The following ATP8B4 variants were observed in gnomAD, a reference collection of about 807,000 sequenced individuals.
ATP8B4 encodes the protein ATPase phospholipid transporting 8B4 (putative).
Under a neutral mutation model 145.6 loss-of-function variants are expected in ATP8B4, and 133 were observed. The observed-to-expected ratio is 0.91, with a 90% CI of 0.79 to 1.05. The LOEUF (loss-of-function observed/expected upper bound fraction) is 1.05. Among genes scored for constraint, ATP8B4 ranks in the 50% least tolerant of loss-of-function variants. ATP8B4 has a pLI of 0.00. For synonymous variants in ATP8B4, 507 were observed against 492.9 expected (o/e 1.03, Z -0.38); for missense variants, 1,458 against 1,425.2 (o/e 1.02, Z -0.37).
At chr15:50,084,835 C>T (rs1437031982) in intron 2 of ATP8B4, among the ~76,000 whole-genome samples, 2 of 152,170 alleles carry the variant, frequency 1.3e-5, no homozygotes, top group Non-Finnish European at 2.9e-5. Flanking sequence ...CTGCCCTTGA[C>T]CCTCCTGCCT....
In ATP8B4 at chr15:50,056,695, ATATGTG is replaced by A. The variant is rs898719694; in HGVS notation, c.88-9237_88-9232del. On this transcript the variant is annotated intron_variant, in intron 3 of 27. Transcript: ENST00000284509. ...TACTATACACAATATATGTATATGTATATGTGTATATATATATATATACACACACAC... is the reference window on the plus strand; with the variant it reads ...TACTATACACAATATATGTATATGTATATATATATATATATACACACACAC... Among the ~76,000 whole-genome samples, 6 of 140,810 alleles carry A rather than the reference ATATGTG, an allele frequency of 4.3e-5. No individual in the cohort carries two copies. The East Asian group carries it at 7.8e-4, about 18-fold the overall frequency. 92.4% of individuals were successfully genotyped at this position (140,810 alleles called of 152,430 possible).
At chr15:50,159,770 C>T (rs139814408) in intron 1 of ATP8B4, among the ~76,000 whole-genome samples, 2 of 152,174 alleles carry the variant, frequency 1.3e-5, no homozygotes, top group African/African-American at 4.8e-5. Context: ...ATACGATGTA[C>T]CACATTGATT....
rs1057461860 is a variant in ATP8B4 at position 49,949,361 on chromosome 15, T to C, written c.1287+12616A>G. Among the ~76,000 whole-genome samples, 4 of 152,172 alleles carry C rather than the reference T, an allele frequency of 2.6e-5. No homozygotes were observed. In the South Asian group the frequency reaches 6.2e-4, roughly 24 times the overall value. ...TATGTCCTTGAGCAGTGGTTTGTAG[T>C]TCTCCTTGAAGAAGTCCTTCACATC... On this transcript the variant is annotated intron_variant, in intron 14 of 27. Transcript: ENST00000284509.
chr15:50,039,527 GA>G lies in ATP8B4; in HGVS notation c.301-699del, dbSNP rs573716839. ...GTCATTCAGGTAAGTCTTCCTATGT[GA>G]AATGTCAAGATCAGATAGTAGTAGT... is the stretch of plus-strand genomic sequence containing the variant. On this transcript the variant is annotated intron_variant, in intron 5 of 27. Transcript: ENST00000284509. 7.9e-5 allele frequency among the ~76,000 whole-genome samples: 12 copies of G among 152,204 alleles called. No individual in the cohort carries two copies. The South Asian group carries it at 2.5e-3, about 32-fold the overall frequency.
intron 13 of ATP8B4, among the ~76,000 whole-genome samples, chr15:49,963,862 TAACAA>T (rs1567091804): frequency 6.6e-6 from 1 of 151,858 alleles, no homozygotes; most frequent in African/African-American, 2.4e-5. Context: ...TTTACCTATG[TAACAA>T]ACCTGTACAT....
chr15:49,952,394 T>G (rs2043182790), intron 14 of ATP8B4, among the ~76,000 whole-genome samples: 1 of 152,190 alleles, frequency 6.6e-6, no homozygotes, highest in Admixed American at 6.5e-5. Flanking sequence ...GTTCCTTACT[T>G]TTCGTTCTTT....
intron 20 of ATP8B4, among the ~76,000 whole-genome samples, chr15:49,912,492 T>C (rs893140940): frequency 1.3e-5 from 2 of 152,040 alleles, no homozygotes; most frequent in African/African-American, 2.4e-5. Flanking sequence ...AATCTGAACA[T>C]ACCAAAAGCC....
intron 1 of ATP8B4, among the ~76,000 whole-genome samples, chr15:50,129,001 G>A (rs1231593884): frequency 2.6e-5 from 4 of 152,222 alleles, no homozygotes. Context: ...CCGGGAGGTG[G>A]AGGTTGCAGT....
chr15:50,121,593 G>T (rs1308389952), upstream of ATP8B4, among the ~76,000 whole-genome samples: 1 of 151,974 alleles, frequency 6.6e-6, no homozygotes, highest in African/African-American at 2.4e-5. Context: ...TCTTATAGAG[G>T]ACTATTACTA....
chr15:49,892,283 A>G (rs2036913948), intron 23 of ATP8B4, among the ~76,000 whole-genome samples: 1 of 152,196 alleles, frequency 6.6e-6, no homozygotes, highest in African/African-American at 2.4e-5. Context: ...CTATAAAAGA[A>G]TACGATTGTA....
At chr15:50,172,856 G>C (rs1250351558) in intron 1 of ATP8B4, among the ~76,000 whole-genome samples, 1 of 150,634 alleles carries the variant, frequency 6.6e-6, no homozygotes, top group African/African-American at 2.5e-5. Context: ...GAGGTGAGGA[G>C]CGTCTCTGAC....
In ATP8B4 at chr15:49,904,553, G is replaced by C. The variant is rs548203956; in HGVS notation, c.2142-3314C>G. ...CTAAAACATTTTTCCTGGGTGACTA[G>C]GGGTTAGGAATTAGGACCAAAATGC... On this transcript the variant is annotated intron_variant, in intron 20 of 27. Coordinates refer to ENST00000284509, the MANE Select transcript of ATP8B4 (RefSeq NM_024837.4). Among the ~76,000 whole-genome samples, 227 of 152,274 alleles carry C rather than the reference G, an allele frequency of 1.5e-3. 1 individual carries two copies. The highest frequency in any genetic ancestry group is 5.3e-3 in the African/African-American group (219 of 41,560).
chr15:49,909,465 C>A (rs1017857807), intron 20 of ATP8B4, among the ~76,000 whole-genome samples: 2 of 152,094 alleles, frequency 1.3e-5, no homozygotes, highest in African/African-American at 2.4e-5. Context: ...AGGTCCAGCC[C>A]ACTGTTTCTA....
intron 2 of ATP8B4, among the ~76,000 whole-genome samples, chr15:50,103,963 C>A (rs958469353): frequency 2.0e-4 from 31 of 152,124 alleles, no homozygotes; most frequent in African/African-American, 7.2e-4. Flanking sequence ...ACAAATCAAA[C>A]AAAATCATCA....
At chr15:50,108,627 C>T (rs1421880771) in intron 1 of ATP8B4, among the ~76,000 whole-genome samples, 2 of 152,158 alleles carry the variant, frequency 1.3e-5, no homozygotes, top group African/African-American at 2.4e-5. Context: ...GTCTCCACCC[C>T]CTTTATCCGA....
intron 1 of ATP8B4, among the ~76,000 whole-genome samples, chr15:50,136,655 T>C (rs1238641902): frequency 6.6e-6 from 1 of 152,228 alleles, no homozygotes; most frequent in East Asian, 1.9e-4. Flanking sequence ...GTTTACCCTT[T>C]GTGATGTGGT....
chr15:49,859,410 A>T lies in ATP8B4; in HGVS notation c.*784T>A, dbSNP rs1362265304. 1.0e-3 allele frequency: 152 copies of T among 152,304 alleles called. No individual in the cohort carries two copies. Among genetic ancestry groups the T allele is most frequent in the Middle Eastern group, 3.4e-3 (1 of 294 alleles). 9.4% of individuals were successfully genotyped at this position (152,304 alleles called of 1,614,324 possible). ...TGGTCTGGATGATGCTCAGCAAATT[A>T]CTACTGAGGTTGTTAGAAAAGCCAT... is the stretch of plus-strand genomic sequence containing the variant. On this transcript the variant is annotated 3_prime_UTR_variant, in exon 28 of 28. Coordinates refer to ENST00000284509, the MANE Select transcript of ATP8B4 (RefSeq NM_024837.4).
chr15:50,127,573 G>C (rs1008628014), intron 1 of ATP8B4, among the ~76,000 whole-genome samples: 1 of 152,204 alleles, frequency 6.6e-6, no homozygotes, highest in East Asian at 1.9e-4. Flanking sequence ...ATTGAGTCAT[G>C]GAGGCCTCAA....
intron 23 of ATP8B4, among the ~76,000 whole-genome samples, chr15:49,891,292 C>A (rs1264425626): frequency 4.0e-5 from 6 of 151,398 alleles, no homozygotes; most frequent in African/African-American, 1.5e-4. Context: ...TTTCCCCATG[C>A]TTTCAAATTA....
Sources: gnomAD v4.1 joint callset for allele counts (sites outside exome capture counted in the v4.1 genomes callset) on GRCh38, gnomAD v4.1.1 for gene constraint, MANE v1.5 for transcripts, NCBI Gene and HGNC (gene_info 2026-07-23, HGNC 2026-07-21) for gene names.